Variants in MREG observed in about 807,000 individuals in gnomAD.
The protein encoded by MREG is dilute suppressor protein homolog.
MREG carries 31 observed loss-of-function variants against 28.5 expected under a neutral mutation model. The observed-to-expected ratio is 1.09, with a 90% confidence interval of 0.82 to 1.47. The LOEUF (loss-of-function observed/expected upper bound fraction) is 1.47. MREG is among the 40% of genes most tolerant of loss of function. The pLI, the probability that MREG is intolerant of heterozygous loss-of-function variation, is 0.00. For missense variants in MREG, 256 were observed against 257.4 expected, an observed-to-expected ratio of 0.99 and a Z score of 0.04; for synonymous variants, 106 against 95.2, an observed-to-expected ratio of 1.11 and a Z score of -0.66.
chr2:216,012,683 T>A (rs1047810144), intron 1 of MREG, among the ~76,000 whole-genome samples: 6 of 152,192 alleles, frequency 3.9e-5, no homozygotes, highest in Admixed American at 3.3e-4. Flanking sequence ...TCACACTTCA[T>A]AGCTTAACCT....
chr2:216,030,428 A>G (rs1694662230), intron 1 of MREG, among the ~76,000 whole-genome samples: 1 of 152,322 alleles, frequency 6.6e-6, no homozygotes, highest in East Asian at 1.9e-4. Context: ...GGTAATAATG[A>G]AACTACCTCA....
rs1396845370 is a variant in MREG at position 215,943,099 on chromosome 2, C to T, written c.*1764G>A. 5.9e-6 allele frequency: 1 copy of T among 168,476 alleles called. No homozygotes were observed. Among genetic ancestry groups the T allele is most frequent in the African/African-American group, 2.4e-5 (1 of 41,740 alleles). The allele number at this position is 168,476 out of a possible 1,614,324, so 10.4% of individuals were successfully genotyped here. On this transcript the variant is annotated 3_prime_UTR_variant, in exon 5 of 5. Transcript: ENST00000263268. ...AAGCTCATTGGTATATAAAAATTTT[C>T]AAGTCACAGTCCTCTAAGCAGACTA...
intron 2 of MREG, among the ~76,000 whole-genome samples, chr2:215,983,541 A>C (rs1693485330): frequency 1.3e-5 from 2 of 152,224 alleles, no homozygotes; most frequent in Admixed American, 6.5e-5. Context: ...AATGTCTGGC[A>C]ATACCCTAGC....
chr2:215,997,174 C>G (rs1199797321), intron 1 of MREG, among the ~76,000 whole-genome samples: 1 of 152,192 alleles, frequency 6.6e-6, no homozygotes, highest in African/African-American at 2.4e-5. Flanking sequence ...GCATAGTAAA[C>G]TTGGAGTACA....
intron 2 of MREG, among the ~76,000 whole-genome samples, chr2:215,983,530 C>T (rs1025814853): frequency 3.9e-5 from 6 of 152,192 alleles, no homozygotes; most frequent in Admixed American, 2.0e-4. Flanking sequence ...GAAGTGTTTA[C>T]AATGTCTGGC....
chr2:216,011,985 C>T (rs1694323204), intron 1 of MREG, among the ~76,000 whole-genome samples: 1 of 152,132 alleles, frequency 6.6e-6, no homozygotes, highest in East Asian at 1.9e-4. Flanking sequence ...CAAGAGCAAT[C>T]AAAATCACTG....
At chr2:216,010,368 T>TTTTC (rs1694268201) in intron 1 of MREG, among the ~76,000 whole-genome samples, 1 of 140,884 alleles carries the variant, frequency 7.1e-6, no homozygotes, top group African/African-American at 2.7e-5. Context: ...TTTTTTTTTT[T>TTTTC]TTTTTTTGAG....
intron 2 of MREG, among the ~76,000 whole-genome samples, chr2:215,953,941 T>C (rs1288094706): frequency 6.6e-6 from 1 of 152,238 alleles, no homozygotes; most frequent in Non-Finnish European, 1.5e-5. Flanking sequence ...TAGCAGGGAA[T>C]AGATAGGGCT....
intron 1 of MREG, among the ~76,000 whole-genome samples, chr2:216,031,905 T>C (rs1421331220): frequency 6.6e-6 from 1 of 152,204 alleles, no homozygotes; most frequent in Admixed American, 6.6e-5. Context: ...TAAACTCTAA[T>C]TGAACCTCTC....
chr2:216,015,185 G>A (rs1476032213), upstream of MREG, among the ~76,000 whole-genome samples: 1 of 152,172 alleles, frequency 6.6e-6, no homozygotes, highest in East Asian at 1.9e-4. Context: ...GTGTGTTCGT[G>A]TATGTGTGCG....
intron 3 of MREG, among the ~76,000 whole-genome samples, chr2:215,946,667 T>C (rs1400277851): frequency 6.6e-6 from 1 of 152,220 alleles, no homozygotes; most frequent in Non-Finnish European, 1.5e-5. Context: ...CCCAACCTGC[T>C]TCATCTTACA....
intron 2 of MREG, among the ~76,000 whole-genome samples, chr2:215,959,543 C>A (rs1692722380): frequency 6.6e-6 from 1 of 152,244 alleles, no homozygotes; most frequent in African/African-American, 2.4e-5. Context: ...ATTCTCCAAT[C>A]TTCTCCCAAC....
chr2:215,945,938 C>T (rs1692308328), intron 3 of MREG, among the ~76,000 whole-genome samples: 1 of 152,096 alleles, frequency 6.6e-6, no homozygotes, highest in Non-Finnish European at 1.5e-5. Context: ...ACAATTCTTT[C>T]GGTATTTTTT....
chr2:216,010,910 C>G (rs1694287939), intron 1 of MREG, among the ~76,000 whole-genome samples: 1 of 150,906 alleles, frequency 6.6e-6, no homozygotes, highest in Non-Finnish European at 1.5e-5. Flanking sequence ...TCCTGGATAA[C>G]ACGGTGAAAC....
chr2:215,996,179 A>G, intron 2 of MREG, 127 bp downstream of exon 2: 1 of 993,988 alleles, frequency 1.0e-6, no homozygotes, highest in Non-Finnish European at 1.4e-6. Context: ...CTGCTAAAAT[A>G]CCTGCCCTTC....
intron 2 of MREG, among the ~76,000 whole-genome samples, chr2:215,994,941 T>C (rs1203182124): frequency 2.6e-5 from 4 of 152,108 alleles, no homozygotes; most frequent in African/African-American, 7.2e-5. Flanking sequence ...GTTACTGTTT[T>C]GGGCAGAGTC....
At chr2:216,017,996 CAAA>C (rs35615805), upstream of MREG, among the ~76,000 whole-genome samples, 4 of 127,384 alleles carry the variant, frequency 3.1e-5, no homozygotes. Flanking sequence ...ACTAAAAATA[CAAA>C]AAAAAAAAAA....
At chr2:216,024,393 C>G (rs1256086274) in intron 1 of MREG, among the ~76,000 whole-genome samples, 1 of 151,572 alleles carries the variant, frequency 6.6e-6, no homozygotes. Flanking sequence ...AAAAATTAGC[C>G]AGGCATAGAT....
At chr2:215,950,876 G>A (rs1443797732) in intron 2 of MREG, among the ~76,000 whole-genome samples, 1 of 152,126 alleles carries the variant, frequency 6.6e-6, no homozygotes, top group African/African-American at 2.4e-5. Flanking sequence ...GGCCTGGTGG[G>A]AGGTGACTGG....
Sources: allele counts gnomAD v4.1 joint callset (sites outside exome capture counted in the v4.1 genomes callset), GRCh38; gene constraint gnomAD v4.1.1; transcripts MANE v1.5; gene names NCBI Gene and HGNC (gene_info 2026-07-23, HGNC 2026-07-21).